SP4: variants seen among roughly 807,000 people sequenced by gnomAD.
SP4 encodes the protein transcription factor Sp4.
In SP4, 19 loss-of-function variants were observed where a neutral mutation model predicts 72.8. The observed-to-expected ratio is 0.26, with a 90% CI of 0.18 to 0.38. The LOEUF (loss-of-function observed/expected upper bound fraction) is 0.38. Among genes scored for constraint, SP4 ranks in the 10% least tolerant of loss-of-function variants. The probability of loss-of-function intolerance (pLI) is 1.00; values close to 1 mark genes in which losing one functional copy is unlikely to be tolerated. For missense variants in SP4, 1,008 were observed against 926.3 expected (o/e 1.09, Z -1.14); for synonymous variants, 395 against 333.1 (o/e 1.19, Z -2.02).
chr7:21,507,848 TCATC>T (rs1182025191), intron 5 of SP4, among the ~76,000 whole-genome samples: 1 of 152,066 alleles, frequency 6.6e-6, no homozygotes, highest in East Asian at 1.9e-4. Context: ...TGGAATCACT[TCATC>T]CATTCTCTGG....
At chr7:21,508,493 C>CT (rs979993392) in intron 5 of SP4, among the ~76,000 whole-genome samples, 19 of 152,022 alleles carry the variant, frequency 1.2e-4, no homozygotes, top group African/African-American at 3.9e-4. Context: ...CGCCCAGCTA[C>CT]TTTTTTTGTA....
Position 21,429,587 on chromosome 7 carries a change from A to G in SP4, c.422A>G (p.Lys141Arg), listed in dbSNP as rs1313258877. The G allele has an allele frequency of 1.2e-6, 2 of 1,614,054 alleles. No homozygotes were observed. The highest frequency in any genetic ancestry group is 2.7e-5 in the African/African-American group (2 of 74,936). Residue 141 changes from lysine to arginine, a missense_variant, in exon 3 of 6, where the codon AAA becomes AGA. Around this residue, in one of 3 missense-constraint regions of SP4, gnomAD observed 893 missense variants for 743.3 expected, o/e 1.20. Transcript: ENST00000222584. The part of the protein sequence containing the change: ...NNGSASPTKT[K>R]SGNSSTPGQF... ...GGGAGTGCATCTCCTACAAAAACTAAATCAGGTAATTCTTCCACCCCTGGT... is the reference window on the plus strand; with the variant it reads ...GGGAGTGCATCTCCTACAAAAACTAGATCAGGTAATTCTTCCACCCCTGGT...
rs80233181 is a variant in SP4 at position 21,450,543 on chromosome 7, G to A, written c.1678+19700G>A. On this transcript the variant is annotated intron_variant, in intron 3 of 5. Transcript: ENST00000222584. ...AAGCCTGAGAAGTGGCTTAAAAATG[G>A]TCCTCCATACAGCCACTTGTGATAG... Among the ~76,000 whole-genome samples, 1,501 of 152,162 alleles carry A rather than the reference G, an allele frequency of 9.9e-3. 21 individuals carry two copies. Among genetic ancestry groups the A allele is most frequent in the African/African-American group, 0.034 (1,431 of 41,512 alleles).
chr7:21,481,864 C>G, intron 4 of SP4, 60 bp from the exon 5 acceptor site: 2 of 1,172,792 alleles, frequency 1.7e-6, no homozygotes, highest in South Asian at 1.3e-5. Flanking sequence ...TTTAATTTTT[C>G]TATAATTGTA....
In SP4 at chr7:21,514,095, A is replaced by G. The variant is rs1214073590; in HGVS notation, c.*2826A>G. Reference sequence around the variant, plus strand: ...GCAAAGCTATGTATTTATCATGGTAAAACTCCAGTGTTAGAATAGTTTTTT... The same window carrying G: ...GCAAAGCTATGTATTTATCATGGTAGAACTCCAGTGTTAGAATAGTTTTTT... On this transcript the variant is annotated 3_prime_UTR_variant, in exon 6 of 6. Transcript: ENST00000222584. 6.6e-6 allele frequency: 1 copy of G among 152,622 alleles called. No homozygotes were observed. The highest frequency in any genetic ancestry group is 1.5e-5 in the Non-Finnish European group (1 of 68,022). The allele number at this position is 152,622 out of a possible 1,614,324, so 9.5% of individuals were successfully genotyped here. A position where few individuals can be genotyped will look rare whatever the true frequency, so the allele number is the denominator to read the frequency against.
Position 21,429,433 on chromosome 7 carries a change from C to G in SP4, c.268C>G (p.Leu90Val). 3 of 1,614,170 alleles carry G rather than the reference C, an allele frequency of 1.9e-6. No individual in the cohort carries two copies. The highest frequency in any genetic ancestry group is 2.5e-6 in the Non-Finnish European group (3 of 1,180,022). ...LVQLQNQPQQ[L>V]ELVTTQLAGN... The stretch of plus-strand genomic sequence containing the variant: ...GCAACTTCAAAATCAACCACAACAG[C>G]TAGAACTGGTAACAACGCAACTTGC... Residue 90 changes from leucine (L) to valine (V), a missense_variant, in exon 3 of 6, where the codon CTA becomes GTA. Physicochemically the swap from Leu to Val is conservative, Grantham distance 32. Transcript: ENST00000222584.
intron 3 of SP4, among the ~76,000 whole-genome samples, chr7:21,438,154 A>G (rs1395889281): frequency 6.6e-6 from 1 of 152,174 alleles, no homozygotes; most frequent in Admixed American, 6.5e-5. Context: ...TTGGATGTTC[A>G]TCGGTCAAAG....
chr7:21,488,793 A>T (rs910898760), intron 5 of SP4, among the ~76,000 whole-genome samples: 3 of 151,988 alleles, frequency 2.0e-5, no homozygotes, highest in Non-Finnish European at 4.4e-5. Context: ...TAACTTGGAA[A>T]TACTATAATG....
At chr7:21,461,708 C>A (rs775128442) in intron 3 of SP4, among the ~76,000 whole-genome samples, 7 of 152,220 alleles carry the variant, frequency 4.6e-5, no homozygotes, top group Non-Finnish European at 1.0e-4. Context: ...CAGCGGTGGG[C>A]TGAAGGGCTC....
Position 21,442,221 on chromosome 7 carries a change from CAG to C in SP4, c.1678+11383_1678+11384del, listed in dbSNP as rs1282487032. On this transcript the variant is annotated intron_variant, in intron 3 of 5. Coordinates refer to ENST00000222584, the MANE Select transcript of SP4 (RefSeq NM_003112.5). ...GCCCAGCCAATTTTTGTATTTTTAG[CAG>C]AGAGGGGAGTTTCGCCATGTTGGCC... 1.4e-4 allele frequency among the ~76,000 whole-genome samples: 21 copies of C among 151,672 alleles called. No homozygotes were observed. The South Asian group carries it at 2.9e-3, about 21-fold the overall frequency.
intron 3 of SP4, among the ~76,000 whole-genome samples, chr7:21,450,608 A>ATT (rs1783559759): frequency 6.6e-6 from 1 of 152,188 alleles, no homozygotes; most frequent in East Asian, 1.9e-4. Flanking sequence ...TTGTGATATA[A>ATT]TTATGGTGGA....
At chr7:21,462,300 A>C (rs1465693689) in intron 3 of SP4, among the ~76,000 whole-genome samples, 1 of 152,084 alleles carries the variant, frequency 6.6e-6, no homozygotes, top group Non-Finnish European at 1.5e-5. Context: ...CATAGTATTG[A>C]CTCAGATATC....
At chr7:21,451,653 C>T (rs915707868) in intron 3 of SP4, among the ~76,000 whole-genome samples, 5 of 152,110 alleles carry the variant, frequency 3.3e-5, no homozygotes, top group Non-Finnish European at 7.3e-5. Context: ...TGTCATGTCC[C>T]ACTGATGGGC....
Position 21,429,808 on chromosome 7 carries a change from G to C in SP4, c.643G>C (p.Ala215Pro), listed in dbSNP as rs540617987. 1 of 1,614,210 alleles carries C rather than the reference G, an allele frequency of 6.2e-7. No homozygotes were observed. Among genetic ancestry groups the C allele is most frequent in the African/African-American group, 1.3e-5 (1 of 75,054 alleles). ...TATACTCACAGCTGCTAACAGGACAGCTTCTGGGAATATTCTTGCTCAAAA... is the reference window on the plus strand; with the variant it reads ...TATACTCACAGCTGCTAACAGGACACCTTCTGGGAATATTCTTGCTCAAAA... ...QAILTAANRTASGNILAQNLA... is the reference protein window; with the variant it reads ...QAILTAANRTPSGNILAQNLA... Residue 215 changes from alanine (A) to proline (P), a missense_variant, in exon 3 of 6, where the codon GCT becomes CCT. Physicochemically the swap from Ala to Pro is conservative, Grantham distance 27. Coordinates refer to ENST00000222584, the MANE Select transcript of SP4 (RefSeq NM_003112.5).
intron 5 of SP4, among the ~76,000 whole-genome samples, chr7:21,498,210 T>G (rs781189985): frequency 2.0e-5 from 3 of 152,068 alleles, no homozygotes; most frequent in Non-Finnish European, 4.4e-5. Flanking sequence ...ATAATACAAA[T>G]TAAAAATAAT....
At chr7:21,494,111 C>T (rs184322809) in intron 5 of SP4, among the ~76,000 whole-genome samples, 4 of 152,232 alleles carry the variant, frequency 2.6e-5, no homozygotes, top group Non-Finnish European at 4.4e-5. Context: ...AAATTCTCAG[C>T]AAACTGAGTT....
chr7:21,480,577 TC>T (rs1285315197), intron 4 of SP4, among the ~76,000 whole-genome samples: 1 of 152,224 alleles, frequency 6.6e-6, no homozygotes, highest in African/African-American at 2.4e-5. Flanking sequence ...TAGTGATATC[TC>T]CTCTTTGATT....
chr7:21,452,668 T>C (rs774618495), intron 3 of SP4, among the ~76,000 whole-genome samples: 6 of 152,228 alleles, frequency 3.9e-5, no homozygotes, highest in Non-Finnish European at 8.8e-5. Flanking sequence ...ATTGCACTTA[T>C]GCAAATAACT....
chr7:21,481,773 A>G (rs1428558204), intron 4 of SP4, 151 bp from the exon 5 acceptor site: 2 of 631,758 alleles, frequency 3.2e-6, no homozygotes, highest in Non-Finnish European at 5.5e-6. Context: ...TCTTTAACTG[A>G]AAATTTTCTG....
Sources: gnomAD v4.1 joint callset for allele counts (sites outside exome capture counted in the v4.1 genomes callset) on GRCh38, gnomAD v4.1.1 for gene constraint, gnomAD v4.1.1 regional missense constraint, MANE v1.5 for transcripts, NCBI Gene and HGNC (gene_info 2026-07-23, HGNC 2026-07-21) for gene names.